SEC11A: variants seen among roughly 807,000 people sequenced by gnomAD.
SEC11A encodes the protein signal peptidase complex catalytic subunit SEC11A.
A neutral mutation model predicts 25.6 loss-of-function variants in SEC11A; 14 were observed. The ratio of observed to expected loss-of-function variants is 0.55; its 90% CI spans 0.36 to 0.85. The LOEUF (loss-of-function observed/expected upper bound fraction) is 0.85, where lower values mean the gene tolerates loss of function less well. Ranked by LOEUF, SEC11A falls within the 40% of genes least tolerant of loss-of-function variation. The pLI, the probability that SEC11A is intolerant of heterozygous loss-of-function variation, is 0.01. For missense variants in SEC11A, 153 were observed against 222.9 expected (o/e 0.69, Z 2.00); for synonymous variants, 83 against 76.4 (o/e 1.09, Z -0.45).
intron 1 of SEC11A, among the ~76,000 whole-genome samples, chr15:84,704,068 C>A (rs1596082346): frequency 6.6e-6 from 1 of 152,114 alleles, no homozygotes; most frequent in South Asian, 2.1e-4. Context: ...CCCTGCCAAC[C>A]GCAAAAAACC....
intron 2 of SEC11A, among the ~76,000 whole-genome samples, chr15:84,688,300 G>A (rs1043504857): frequency 6.6e-6 from 1 of 152,128 alleles, no homozygotes; most frequent in Non-Finnish European, 1.5e-5. Flanking sequence ...TAAAGCTTGT[G>A]TTATCAATTT....
intron 4 of SEC11A, chr15:84,680,025 A>T: frequency 1.8e-6 from 2 of 1,119,666 alleles, no homozygotes; most frequent in Non-Finnish European, 2.6e-6. Context: ...CATCAATTTC[A>T]AGACTAGAAA....
chr15:84,685,870 T>A (rs1404884573), intron 3 of SEC11A: 1 of 143,158 alleles, frequency 7.0e-6, no homozygotes, highest in Non-Finnish European at 1.5e-5. Flanking sequence ...TGGCGTGATC[T>A]CAGCTCACTG....
chr15:84,679,923 A>G (rs1897240832), intron 4 of SEC11A: 4 of 1,524,448 alleles, frequency 2.6e-6, no homozygotes, highest in Non-Finnish European at 2.6e-6. Flanking sequence ...CTTAATACCA[A>G]CAACTTACAA....
chr15:84,713,987 G>GAGATCAAAT (rs1040585781), intron 1 of SEC11A, among the ~76,000 whole-genome samples: 1 of 150,152 alleles, frequency 6.7e-6, no homozygotes, highest in African/African-American at 2.5e-5. Context: ...AGTAAGACCT[G>GAGATCAAAT]AGATCAAATC....
chr15:84,706,395 C>G (rs747928441), intron 1 of SEC11A, among the ~76,000 whole-genome samples: 1 of 152,090 alleles, frequency 6.6e-6, no homozygotes, highest in African/African-American at 2.4e-5. Flanking sequence ...AGGGTTGCTA[C>G]TACACCATGA....
At position 84,669,946 on chromosome 15, in the gene SEC11A, C is replaced by T; in HGVS notation, c.*73G>A. On this transcript the variant is annotated 3_prime_UTR_variant, in exon 6 of 6. Transcript: ENST00000268220. ...CGTGTGTTCTCCATTCCACCAATCA[C>T]AGACCAGTATCTACTCCAAACATCC... 1 of 1,608,044 alleles carries T rather than the reference C, an allele frequency of 6.2e-7. No homozygotes were observed. The highest frequency in any genetic ancestry group is 1.3e-5 in the African/African-American group (1 of 74,950).
At chr15:84,699,571 C>T (rs1308896149) in intron 1 of SEC11A, among the ~76,000 whole-genome samples, 1 of 151,926 alleles carries the variant, frequency 6.6e-6, no homozygotes, top group Non-Finnish European at 1.5e-5. Context: ...ATTTCCAGAC[C>T]ACAGGGCAAA....
At chr15:84,694,816 G>C (rs533901398) in intron 1 of SEC11A, among the ~76,000 whole-genome samples, 1 of 152,092 alleles carries the variant, frequency 6.6e-6, no homozygotes, top group Admixed American at 6.6e-5. Context: ...AAAAGGCCGA[G>C]TGCAGTGGCT....
chr15:84,683,334 A>C lies in SEC11A; in HGVS notation c.312-2502T>G, dbSNP rs1301681702. Among the ~76,000 whole-genome samples, 3 of 152,156 alleles carry C rather than the reference A, an allele frequency of 2.0e-5. No individual in the cohort carries two copies. The East Asian group carries it at 5.8e-4, about 29-fold the overall frequency. ...AAAAGGGGAACTCCCCAGAAAAAGG[A>C]AAGGGTGCTAGAGAGATCTGGACTA... On this transcript the variant is annotated intron_variant, in intron 3 of 5. Transcript: ENST00000268220.
intron 4 of SEC11A, among the ~76,000 whole-genome samples, chr15:84,674,327 A>G (rs1218613420): frequency 6.6e-6 from 1 of 152,100 alleles, no homozygotes; most frequent in Non-Finnish European, 1.5e-5. Flanking sequence ...ACCTAATTTA[A>G]GAACATAAAG....
intron 1 of SEC11A, 73 bp from the exon 2 acceptor site, chr15:84,691,717 A>G (rs757959157): frequency 7.2e-5 from 60 of 837,188 alleles, no homozygotes; most frequent in Non-Finnish European, 1.2e-4. Flanking sequence ...AGCAGTAACA[A>G]TTTGAAAGTT....
At chr15:84,696,913 T>G (rs72630461) in intron 1 of SEC11A, among the ~76,000 whole-genome samples, 20,750 of 151,890 alleles carry the variant, frequency 0.14, 1,521 homozygotes, top group Non-Finnish European at 0.17. Context: ...CCGGGTGCAA[T>G]GGCTTATGCC....
intron 4 of SEC11A, among the ~76,000 whole-genome samples, chr15:84,679,694 C>G (rs1042511052): frequency 6.6e-6 from 1 of 152,190 alleles, no homozygotes; most frequent in African/African-American, 2.4e-5. Flanking sequence ...GACTATGCAG[C>G]CAGCCACTTA....
chr15:84,692,720 T>C (rs559529745), intron 1 of SEC11A, among the ~76,000 whole-genome samples: 2 of 152,256 alleles, frequency 1.3e-5, no homozygotes, highest in East Asian at 1.9e-4. Context: ...TGGCAAATAG[T>C]TCAAGGAAAA....
intron 3 of SEC11A, among the ~76,000 whole-genome samples, chr15:84,681,381 G>A (rs571586699): frequency 1.3e-5 from 2 of 152,328 alleles, no homozygotes; most frequent in South Asian, 2.1e-4. Flanking sequence ...TGTAATCCCA[G>A]CACTTTGGGA....
chr15:84,703,337 T>C lies in SEC11A; in HGVS notation c.52-11693A>G, dbSNP rs895481711. On this transcript the variant is annotated intron_variant, in intron 1 of 5. Coordinates refer to ENST00000268220, the MANE Select transcript of SEC11A (RefSeq NM_014300.4). ...ACTCCATCATTAAGTGTAAGTGGTA[T>C]ACAGAAGACTGGGCTCAAGCATGTC... Among the ~76,000 whole-genome samples the C allele has an allele frequency of 5.9e-5, 9 of 152,166 alleles. 1 individual carries two copies. The highest frequency in any genetic ancestry group is 2.2e-4 in the African/African-American group (9 of 41,436).
intron 1 of SEC11A, among the ~76,000 whole-genome samples, chr15:84,698,798 AT>A (rs1167200349): frequency 6.6e-6 from 1 of 152,216 alleles, no homozygotes; most frequent in Non-Finnish European, 1.5e-5. Flanking sequence ...TCACTGGAAC[AT>A]TTTGGATTTT....
chr15:84,679,824 A>G (rs1046696189), intron 4 of SEC11A: 24 of 721,624 alleles, frequency 3.3e-5, no homozygotes, highest in Non-Finnish European at 4.9e-5. Flanking sequence ...AGCACTTAGA[A>G]TGAGTCTCTG....
Sources: allele counts gnomAD v4.1 joint callset (sites outside exome capture counted in the v4.1 genomes callset), GRCh38; gene constraint gnomAD v4.1.1; transcripts MANE v1.5; gene names NCBI Gene and HGNC (gene_info 2026-07-23, HGNC 2026-07-21).